NBAS: variants seen among roughly 807,000 people sequenced by gnomAD.
NBAS encodes NAG/BC035112 fusion.
Under a neutral mutation model 302.5 loss-of-function variants are expected in NBAS, and 219 were observed. The ratio of observed to expected loss-of-function variants is 0.72; its 90% CI spans 0.65 to 0.81. NBAS has a LOEUF of 0.81. Among genes scored for constraint, NBAS ranks in the 30% least tolerant of loss-of-function variants. The pLI is 0.00. For missense variants in NBAS, 2,932 were observed against 2,841.6 expected (o/e 1.03, Z -0.72); for synonymous variants, 1,118 against 1,021.6 (o/e 1.09, Z -1.80).
rs1418139120 is a variant in NBAS at position 15,234,648 on chromosome 2, G to C, written c.6043C>G (p.Leu2015Val). 3 of 1,614,028 alleles carry C rather than the reference G, an allele frequency of 1.9e-6. No individual in the cohort carries two copies. The highest frequency in any genetic ancestry group is 2.2e-5 in the South Asian group (2 of 91,084). Residue 2015 changes from leucine to valine, a missense_variant, in exon 46 of 52, where the codon CTA becomes GTA. Coordinates refer to ENST00000281513, the MANE Select transcript of NBAS (RefSeq NM_015909.4). ...AVAICLDGQP[L>V]AMIQQLLEVA... ...TCTAGCAGCTGCTGAATCATTGCTA[G>C]AGGCTGACCATCTAAACAAATAGCC...
At chr2:15,308,455 G>C in intron 39 of NBAS, 102 bp from the exon 40 acceptor site, 1 of 1,442,988 alleles carries the variant, frequency 6.9e-7, no homozygotes, top group Non-Finnish European at 9.5e-7. Context: ...TTTGTACAAA[G>C]TTCCCATTAC....
At chr2:15,474,487 A>G (rs1680102043) in intron 14 of NBAS, among the ~76,000 whole-genome samples, 163 bp from the exon 15 acceptor site, 1 of 152,228 alleles carries the variant, frequency 6.6e-6, no homozygotes, top group Non-Finnish European at 1.5e-5. Context: ...TACAGCAAGC[A>G]TTATATACAT....
the NBAS span, among the ~76,000 whole-genome samples, chr2:14,976,789 T>A: frequency 6.6e-6 from 1 of 152,064 alleles, no homozygotes; most frequent in Admixed American, 6.6e-5. Flanking sequence ...CATGTGAAGA[T>A]GAAGGCAGTG....
At chr2:14,895,739 C>CAAAAAAAAAAAAAAAAAAAAAAAAAA in the NBAS span, among the ~76,000 whole-genome samples, 9 of 95,490 alleles carry the variant, frequency 9.4e-5, no homozygotes, top group South Asian at 3.9e-4. Context: ...GACTCCGTCT[C>CAAAAAAAAAAAAAAAAAAAAAAAAAA]AAAAAAAAAA....
At chr2:14,908,394 T>C in the NBAS span, among the ~76,000 whole-genome samples, 4,882 of 152,174 alleles carry the variant, frequency 0.032, 297 homozygotes, top group African/African-American at 0.11. Flanking sequence ...TAATAAAGTA[T>C]AGGAATGGCT....
chr2:15,063,316 T>G, the NBAS span, among the ~76,000 whole-genome samples: 3 of 152,044 alleles, frequency 2.0e-5, no homozygotes, highest in African/African-American at 7.2e-5. Flanking sequence ...CAAGGCCCCC[T>G]GTTCATTGGC....
At chr2:14,906,267 C>T in the NBAS span, among the ~76,000 whole-genome samples, 1 of 152,154 alleles carries the variant, frequency 6.6e-6, no homozygotes, top group Admixed American at 6.5e-5. Context: ...TTCATCTAAT[C>T]CTAGAAGTAA....
intron 28 of NBAS, among the ~76,000 whole-genome samples, chr2:15,392,228 ATAAAAG>A (rs1011355388): frequency 7.9e-5 from 12 of 151,896 alleles, no homozygotes; most frequent in African/African-American, 2.9e-4. Context: ...TTTAACATAC[ATAAAAG>A]TAAATTATAT....
the NBAS span, among the ~76,000 whole-genome samples, chr2:14,822,090 A>G: frequency 3.3e-5 from 5 of 152,118 alleles, no homozygotes; most frequent in Non-Finnish European, 4.4e-5. Context: ...TATTAATGCG[A>G]TCATCCTATG....
At chr2:15,134,779 A>G in the NBAS span, among the ~76,000 whole-genome samples, 1 of 152,164 alleles carries the variant, frequency 6.6e-6, no homozygotes, top group Non-Finnish European at 1.5e-5. Context: ...TTAATAGTCT[A>G]TTTAAAGCTA....
At chr2:15,138,191 C>T in the NBAS span, among the ~76,000 whole-genome samples, 3 of 151,930 alleles carry the variant, frequency 2.0e-5, no homozygotes, top group East Asian at 1.9e-4. Flanking sequence ...GGACAGCTAG[C>T]GAAAGTAAGA....
chr2:15,405,246 C>G (rs976624745), intron 25 of NBAS, among the ~76,000 whole-genome samples: 6 of 152,172 alleles, frequency 3.9e-5, no homozygotes, highest in African/African-American at 1.4e-4. Flanking sequence ...ATACTACTCT[C>G]ATACATAAGA....
Position 15,292,242 on chromosome 2 carries a change from CCCA to C in NBAS, c.5027+292_5027+294del, listed in dbSNP as rs1247557894. ...TTGAGATCTTGGGCCACCTTGGCCTCCCAAAGTGCTGGGATTACAGGCATGAGC... is the reference window on the plus strand; with the variant it reads ...TTGAGATCTTGGGCCACCTTGGCCTCAAGTGCTGGGATTACAGGCATGAGC... On this transcript the variant is annotated intron_variant, in intron 41 of 51. Coordinates refer to ENST00000281513, the MANE Select transcript of NBAS (RefSeq NM_015909.4). Among the ~76,000 whole-genome samples the C allele has an allele frequency of 1.3e-4, 20 of 152,304 alleles. No homozygotes were observed. The South Asian group carries it at 1.5e-3, about 11-fold the overall frequency.
chr2:15,078,102 C>T, the NBAS span, among the ~76,000 whole-genome samples: 1 of 152,142 alleles, frequency 6.6e-6, no homozygotes, highest in Non-Finnish European at 1.5e-5. Context: ...ATATGCAAAG[C>T]CCCAAGGTGT....
At chr2:14,910,501 C>T in the NBAS span, among the ~76,000 whole-genome samples, 1 of 152,226 alleles carries the variant, frequency 6.6e-6, no homozygotes, top group South Asian at 2.1e-4. Context: ...CAAGGTCCCT[C>T]AGCCAGGCCA....
chr2:15,365,961 T>C (rs527389879), intron 32 of NBAS, among the ~76,000 whole-genome samples: 6 of 152,174 alleles, frequency 3.9e-5, no homozygotes, highest in Non-Finnish European at 8.8e-5. Context: ...AGACTTTCCT[T>C]AAAAGCCAAA....
intron 19 of NBAS, among the ~76,000 whole-genome samples, chr2:15,463,687 T>G (rs555614397): frequency 6.7e-6 from 1 of 149,540 alleles, no homozygotes; most frequent in African/African-American, 2.5e-5. Context: ...GAACACAAGC[T>G]ATGAAGTCAC....
intron 40 of NBAS, among the ~76,000 whole-genome samples, chr2:15,299,170 A>T (rs1670685788): frequency 6.6e-6 from 1 of 152,230 alleles, no homozygotes; most frequent in Non-Finnish European, 1.5e-5. Flanking sequence ...ATTCAAAGTG[A>T]TATGGCAAAA....
At chr2:15,147,356 G>A in the NBAS span, among the ~76,000 whole-genome samples, 4 of 152,214 alleles carry the variant, frequency 2.6e-5, no homozygotes, top group African/African-American at 7.2e-5. Context: ...CACTTTGGGA[G>A]GCTGAAGCGG....
Sources: allele counts gnomAD v4.1 joint callset (sites outside exome capture counted in the v4.1 genomes callset), GRCh38; gene constraint gnomAD v4.1.1; transcripts MANE v1.5; gene names NCBI Gene and HGNC (gene_info 2026-07-23, HGNC 2026-07-21).